The following FYN variants were observed in gnomAD, a reference collection of about 807,000 sequenced individuals.
FYN encodes the protein tyrosine-protein kinase Fyn.
A neutral mutation model predicts 70.2 loss-of-function variants in FYN; 10 were observed. That is an observed-to-expected ratio of 0.14 (90% confidence interval 0.09 to 0.24). The LOEUF (loss-of-function observed/expected upper bound fraction) is 0.24. Ranked by LOEUF, FYN falls within the 10% of genes least tolerant of loss-of-function variation. The pLI, the probability that FYN is intolerant of heterozygous loss-of-function variation, is 1.00. For synonymous variants in FYN, 236 were observed against 248.6 expected (o/e 0.95, Z 0.48); for missense variants, 319 against 673.1 (o/e 0.47, Z 5.82).
In FYN at chr6:111,873,259, C is replaced by G. The variant is rs1774341867; in HGVS notation, c.-414G>C. 6.7e-6 allele frequency: 1 copy of G among 150,116 alleles called. No homozygotes were observed. Among genetic ancestry groups the G allele is most frequent in the Non-Finnish European group, 1.5e-5 (1 of 67,282 alleles). 9.3% of individuals were successfully genotyped at this position (150,116 alleles called of 1,614,324 possible). ...CCCGGGCGGGAGAGGACGCGCCGCT[C>G]GCACAACAACCTCGCCTCTACTCTC... On this transcript the variant is annotated 5_prime_UTR_variant, in exon 1 of 14. Transcript: ENST00000354650.
At chr6:111,758,064 T>A (rs1283251116) in intron 3 of FYN, among the ~76,000 whole-genome samples, 1 of 152,220 alleles carries the variant, frequency 6.6e-6, no homozygotes, top group East Asian at 1.9e-4. Flanking sequence ...CTGAAAACAC[T>A]AGATTCTGAT....
chr6:111,761,890 A>G (rs181060253), intron 3 of FYN, among the ~76,000 whole-genome samples: 111 of 152,296 alleles, frequency 7.3e-4, no homozygotes, highest in African/African-American at 2.6e-3. Context: ...ATCTGCATCC[A>G]ATCATCATTC....
chr6:111,842,332 G>A (rs554764052), intron 2 of FYN, among the ~76,000 whole-genome samples: 81 of 152,304 alleles, frequency 5.3e-4, no homozygotes, highest in African/African-American at 1.9e-3. Context: ...AGTGTCCATG[G>A]GTTCAGAGGC....
At chr6:111,848,520 C>T (rs1773595209) in intron 1 of FYN, among the ~76,000 whole-genome samples, 1 of 152,204 alleles carries the variant, frequency 6.6e-6, no homozygotes, top group Non-Finnish European at 1.5e-5. Context: ...ACGGCATCAT[C>T]CAATTTCTTT....
At chr6:111,784,598 C>T (rs1297318062) in intron 2 of FYN, among the ~76,000 whole-genome samples, 3 of 152,140 alleles carry the variant, frequency 2.0e-5, no homozygotes, top group African/African-American at 7.2e-5. Flanking sequence ...CAACAGTTGC[C>T]CTCCCCAGAA....
At chr6:111,798,081 T>C (rs959676260) in intron 2 of FYN, among the ~76,000 whole-genome samples, 1 of 152,160 alleles carries the variant, frequency 6.6e-6, no homozygotes, top group Non-Finnish European at 1.5e-5. Flanking sequence ...AAATACATCT[T>C]AACATTGCTA....
At chr6:111,761,594 C>T (rs1053786762) in intron 3 of FYN, among the ~76,000 whole-genome samples, 1 of 152,150 alleles carries the variant, frequency 6.6e-6, no homozygotes, top group African/African-American at 2.4e-5. Context: ...TGTGGGGACC[C>T]TGGAAGATTC....
chr6:111,770,810 C>T (rs898735556), intron 3 of FYN, among the ~76,000 whole-genome samples: 2 of 152,032 alleles, frequency 1.3e-5, no homozygotes, highest in East Asian at 1.9e-4. Context: ...ACCATTCCCT[C>T]GAGATCTAAT....
intron 8 of FYN, among the ~76,000 whole-genome samples, chr6:111,700,633 G>T (rs1308577687): frequency 6.6e-6 from 1 of 152,186 alleles, no homozygotes. Context: ...GAAGAAAAAC[G>T]TTTTCAGCTC....
intron 1 of FYN, among the ~76,000 whole-genome samples, chr6:111,864,447 ATAAAAT>A (rs1160612624): frequency 1.3e-5 from 2 of 152,226 alleles, no homozygotes; most frequent in Non-Finnish European, 2.9e-5. Flanking sequence ...CAAATCAATC[ATAAAAT>A]AGAGTCCCTG....
intron 12 of FYN, among the ~76,000 whole-genome samples, chr6:111,683,795 C>T (rs374635352): frequency 6.6e-5 from 10 of 151,526 alleles, no homozygotes; most frequent in African/African-American, 2.2e-4. Context: ...GGTGACAAGG[C>T]GGTACCAGGA....
intron 2 of FYN, among the ~76,000 whole-genome samples, chr6:111,821,692 C>A (rs1329539960): frequency 2.0e-5 from 3 of 152,026 alleles, no homozygotes; most frequent in Non-Finnish European, 4.4e-5. Context: ...TCAGAGTGAA[C>A]GGGCAACCTA....
Position 111,702,952 on chromosome 6 carries a change from A to G in FYN, c.630T>C (p.Asn210=). Residue 210 remains asparagine, a synonymous_variant, in exon 8 of 14, where the codon AAT becomes AAC. Coordinates refer to ENST00000354650, the MANE Select transcript of FYN (RefSeq NM_002037.5). The part of the protein sequence containing the change: ...VKHYKIRKLD[N]GGYYITTRAQ... ...CCCGGGTGGTAATGTAGTATCCACCATTGTCAAGTTTGCGAATTTTATAAT... is the reference window on the plus strand; with the variant it reads ...CCCGGGTGGTAATGTAGTATCCACCGTTGTCAAGTTTGCGAATTTTATAAT... 6.2e-7 allele frequency: 1 copy of G among 1,614,090 alleles called. No homozygotes were observed. Among genetic ancestry groups the G allele is most frequent in the Non-Finnish European group, 8.5e-7 (1 of 1,179,962 alleles).
intron 5 of FYN, among the ~76,000 whole-genome samples, chr6:111,711,454 G>A (rs1206470028): frequency 1.3e-5 from 2 of 152,206 alleles, no homozygotes; most frequent in Non-Finnish European, 2.9e-5. Context: ...ATTTAATAAT[G>A]TCCTAATACA....
intron 2 of FYN, among the ~76,000 whole-genome samples, chr6:111,842,660 G>A (rs1481401811): frequency 6.6e-6 from 1 of 152,176 alleles, no homozygotes; most frequent in Admixed American, 6.5e-5. Context: ...AAACTTGTAT[G>A]AATTAATTTT....
intron 3 of FYN, among the ~76,000 whole-genome samples, chr6:111,724,456 C>A (rs991274731): frequency 1.3e-5 from 2 of 152,198 alleles, no homozygotes; most frequent in Non-Finnish European, 2.9e-5. Flanking sequence ...TAAACACAGA[C>A]ACATTCATAT....
intron 2 of FYN, among the ~76,000 whole-genome samples, chr6:111,835,662 A>T (rs1174684627): frequency 6.6e-6 from 1 of 152,188 alleles, no homozygotes; most frequent in African/African-American, 2.4e-5. Flanking sequence ...CACGTAAAAG[A>T]AAGTGGAGGG....
intron 1 of FYN, among the ~76,000 whole-genome samples, chr6:111,860,903 A>G (rs2114518597): frequency 6.6e-6 from 1 of 152,350 alleles, no homozygotes; most frequent in Middle Eastern, 3.4e-3. Context: ...TTACATGAAA[A>G]GAAGTGTGAG....
At chr6:111,681,847 C>G (rs1305906830) in intron 12 of FYN, among the ~76,000 whole-genome samples, 3 of 152,002 alleles carry the variant, frequency 2.0e-5, no homozygotes, top group African/African-American at 7.3e-5. Flanking sequence ...AACGGAACAC[C>G]GAGAGGAAAG....
Sources: allele counts gnomAD v4.1 joint callset (sites outside exome capture counted in the v4.1 genomes callset), GRCh38; gene constraint gnomAD v4.1.1; transcripts MANE v1.5; gene names NCBI Gene and HGNC (gene_info 2026-07-23, HGNC 2026-07-21).